DYRK1A: variants seen among roughly 807,000 people sequenced by gnomAD.
DYRK1A encodes the protein dual specificity tyrosine phosphorylation regulated kinase 1A, also known as dual specificity tyrosine-phosphorylation-regulated kinase 1A.
DYRK1A carries 9 observed loss-of-function variants against 79.7 expected under a neutral mutation model. That is an observed-to-expected ratio of 0.11 (90% CI 0.07 to 0.20). The LOEUF (loss-of-function observed/expected upper bound fraction) is 0.20. Among genes scored for constraint, DYRK1A ranks in the 10% least tolerant of loss-of-function variants. The probability of loss-of-function intolerance (pLI) is 1.00; values close to 1 mark genes in which losing one functional copy is unlikely to be tolerated. For missense variants in DYRK1A, 622 were observed against 956.0 expected (o/e 0.65, Z 4.61); for synonymous variants, 349 against 329.7 (o/e 1.06, Z -0.63).
chr21:37,367,793 G>A (rs1228199336), intron 1 of DYRK1A, among the ~76,000 whole-genome samples, 165 bp downstream of exon 1: 1 of 151,128 alleles, frequency 6.6e-6, no homozygotes, highest in East Asian at 2.0e-4. Flanking sequence ...GGAGCCTCAG[G>A]CCGGGTCCCG....
At chr21:37,385,097 T>C (rs1301993637) in intron 1 of DYRK1A, among the ~76,000 whole-genome samples, 1 of 151,998 alleles carries the variant, frequency 6.6e-6, no homozygotes, top group Non-Finnish European at 1.5e-5. Flanking sequence ...TACATCTACA[T>C]GAAGTTAGAG....
intron 3 of DYRK1A, among the ~76,000 whole-genome samples, chr21:37,475,981 T>G (rs1303269465): frequency 1.3e-5 from 2 of 152,234 alleles, no homozygotes; most frequent in African/African-American, 4.8e-5. Flanking sequence ...TTGCTTATTT[T>G]AGGCATACCT....
chr21:37,432,526 T>A (rs1602487130), intron 2 of DYRK1A, among the ~76,000 whole-genome samples: 1 of 152,226 alleles, frequency 6.6e-6, no homozygotes, highest in African/African-American at 2.4e-5. Flanking sequence ...GCCAGACTTT[T>A]GAATATTTTT....
At position 37,525,757 on chromosome 21, in the gene DYRK1A, G is replaced by T. The variant is rs981021330; in HGVS notation, c.*13226G>T. ...GGACTTCACTATCAACAGCTCTCATGAATTTTTGTCAGAAATATTAGCTGA... is the reference window on the plus strand; with the variant it reads ...GGACTTCACTATCAACAGCTCTCATTAATTTTTGTCAGAAATATTAGCTGA... On this transcript the variant is annotated 3_prime_UTR_variant, in exon 12 of 12. Transcript: ENST00000647188. The T allele has an allele frequency of 1.3e-5, 2 of 152,174 alleles. No homozygotes were observed. Among genetic ancestry groups the T allele is most frequent in the Non-Finnish European group, 2.9e-5 (2 of 68,024 alleles). 9.4% of individuals were successfully genotyped at this position (152,174 alleles called of 1,614,324 possible).
At chr21:37,446,846 G>A (rs1017681483) in intron 2 of DYRK1A, among the ~76,000 whole-genome samples, 2 of 152,170 alleles carry the variant, frequency 1.3e-5, no homozygotes, top group Non-Finnish European at 2.9e-5. Context: ...GCCCCACCTT[G>A]TGGCGGTGGA....
rs75557273 is a variant in DYRK1A, at chr21:37,439,503, C to T, written c.10+19119C>T. On this transcript the variant is annotated intron_variant, in intron 2 of 11. Coordinates refer to ENST00000647188, the MANE Select transcript of DYRK1A (RefSeq NM_001347721.2). ...GTCTGAGGCCTGTTAGGAACTGGGC[C>T]GCACAGCAGGAGGTGCCGAGCACTA... is the stretch of plus-strand genomic sequence containing the variant. 1.7e-4 allele frequency among the ~76,000 whole-genome samples: 26 copies of T among 152,202 alleles called. No individual in the cohort carries two copies. The East Asian group carries it at 2.3e-3, about 14-fold the overall frequency.
At chr21:37,492,793 G>T (rs1457925073) in intron 7 of DYRK1A, among the ~76,000 whole-genome samples, 2 of 152,010 alleles carry the variant, frequency 1.3e-5, no homozygotes, top group Non-Finnish European at 2.9e-5. Context: ...AAATGAAAGG[G>T]CTTGAATCTT....
intron 6 of DYRK1A, among the ~76,000 whole-genome samples, chr21:37,489,405 A>G (rs2052996542): frequency 6.6e-6 from 1 of 152,126 alleles, no homozygotes; most frequent in African/African-American, 2.4e-5. Flanking sequence ...GTGAGTATTC[A>G]GCCTTTTTAG....
chr21:37,436,651 C>T (rs563036973), intron 2 of DYRK1A, among the ~76,000 whole-genome samples: 1 of 152,122 alleles, frequency 6.6e-6, no homozygotes, highest in African/African-American at 2.4e-5. Context: ...TTGTTCTGGC[C>T]TTTATTTAAG....
chr21:37,476,126 A>G (rs1281771475), intron 3 of DYRK1A, among the ~76,000 whole-genome samples: 7 of 152,144 alleles, frequency 4.6e-5, no homozygotes, highest in Non-Finnish European at 5.9e-5. Context: ...CTTCAGCTAC[A>G]ATATTATAGT....
intron 1 of DYRK1A, among the ~76,000 whole-genome samples, chr21:37,376,068 C>T (rs1044164737): frequency 2.6e-5 from 4 of 151,944 alleles, no homozygotes; most frequent in Admixed American, 2.6e-4. Context: ...AGTCTGAGTG[C>T]TGGGAGGAGT....
At chr21:37,488,482 C>T (rs1398398447) in intron 6 of DYRK1A, 6 of 804,100 alleles carry the variant, frequency 7.5e-6, no homozygotes, top group Non-Finnish European at 9.0e-6. Context: ...TACTGTGTAG[C>T]CAAATTTCTT....
rs2053594702 is a variant in DYRK1A at position 37,506,242 on chromosome 21, C to G, written c.1644+19C>G. The G allele has an allele frequency of 1.2e-6, 2 of 1,613,862 alleles. No homozygotes were observed. The highest frequency in any genetic ancestry group is 1.7e-6 in the Non-Finnish European group (2 of 1,179,916). ...TCCCCAGGTGAGCTCGCACGTGGTT[C>G]ATTTGCTTGTGTCACCTGCCATTCT... On this transcript the variant is annotated intron_variant, in intron 11 of 11. Coordinates refer to ENST00000647188, the MANE Select transcript of DYRK1A (RefSeq NM_001347721.2).
intron 1 of DYRK1A, among the ~76,000 whole-genome samples, chr21:37,389,505 A>G (rs945678157): frequency 6.6e-6 from 1 of 152,050 alleles, no homozygotes; most frequent in Non-Finnish European, 1.5e-5. Flanking sequence ...GAACTTATGG[A>G]TATATGGAGG....
intron 2 of DYRK1A, among the ~76,000 whole-genome samples, chr21:37,461,471 TTC>T (rs1434669332): frequency 6.6e-6 from 1 of 152,184 alleles, no homozygotes; most frequent in Non-Finnish European, 1.5e-5. Flanking sequence ...ATATTTACAT[TTC>T]TGGTGCTCTT....
intron 10 of DYRK1A, 51 bp downstream of exon 10, chr21:37,505,640 T>C (rs1225065453): frequency 6.7e-7 from 1 of 1,503,396 alleles, no homozygotes; most frequent in African/African-American, 1.4e-5. Context: ...GTGTTTTCTT[T>C]ATGAAGTGGG....
intron 11 of DYRK1A, among the ~76,000 whole-genome samples, chr21:37,507,859 G>C (rs1415589045): frequency 6.6e-6 from 1 of 152,058 alleles, no homozygotes. Flanking sequence ...CCTAAGTCTT[G>C]ACTTCTGACT....
chr21:37,406,326 C>T (rs2050145027), intron 1 of DYRK1A, among the ~76,000 whole-genome samples: 1 of 152,064 alleles, frequency 6.6e-6, no homozygotes, highest in Non-Finnish European at 1.5e-5. Context: ...AAGACATTAC[C>T]AGAGATAGAA....
chr21:37,496,431 AGGT>A (rs2053271822), intron 9 of DYRK1A, among the ~76,000 whole-genome samples, 173 bp downstream of exon 9: 3 of 152,230 alleles, frequency 2.0e-5, no homozygotes, highest in African/African-American at 7.2e-5. Context: ...CTGAACTATC[AGGT>A]ATGGACCAGT....
Sources: gnomAD v4.1 joint callset for allele counts (sites outside exome capture counted in the v4.1 genomes callset) on GRCh38, gnomAD v4.1.1 for gene constraint, MANE v1.5 for transcripts, NCBI Gene and HGNC (gene_info 2026-07-23, HGNC 2026-07-21) for gene names.